Variants in TOP2A observed in about 807,000 individuals in gnomAD.
TOP2A encodes DNA topoisomerase II alpha.
Under a neutral mutation model 187.2 loss-of-function variants are expected in TOP2A, and 68 were observed. The ratio of observed to expected loss-of-function variants is 0.36; its 90% confidence interval spans 0.30 to 0.44. The LOEUF is 0.44. Among genes scored for constraint, TOP2A ranks in the 20% least tolerant of loss-of-function variants. The pLI, the probability that TOP2A is intolerant of heterozygous loss-of-function variation, is 1.00. For missense variants in TOP2A, 1,196 were observed against 1,808.7 expected (o/e 0.66, Z 6.14); for synonymous variants, 542 against 593.2 (o/e 0.91, Z 1.25).
At position 40,416,725 on chromosome 17, in the gene TOP2A, T is replaced by C. The variant is rs1177408731; in HGVS notation, c.177+15A>G. 1 of 1,602,170 alleles carries C rather than the reference T, an allele frequency of 6.2e-7. No homozygotes were observed. Reference sequence around the variant, plus strand: ...CAACTACTAGGTTAACTGCCTTTGATGAGCTTGATTTTACCTGGGTCACTA... The same window carrying C: ...CAACTACTAGGTTAACTGCCTTTGACGAGCTTGATTTTACCTGGGTCACTA... On this transcript the variant is annotated intron_variant, in intron 2 of 34. Coordinates refer to ENST00000423485, the MANE Select transcript of TOP2A (RefSeq NM_001067.4).
chr17:40,406,819 G>A lies in TOP2A; in HGVS notation c.1737+13C>T. The A allele has an allele frequency of 6.3e-7, 1 of 1,591,378 alleles. No homozygotes were observed. The highest frequency in any genetic ancestry group is 8.6e-7 in the Non-Finnish European group (1 of 1,162,754). On this transcript the variant is annotated intron_variant, in intron 14 of 34. Transcript: ENST00000423485. ...CTTAAAATATCCATGATGGTACTTA[G>A]AAATTAGCGTACCTTTACAATGGGA...
intron 5 of TOP2A, 28 bp downstream of exon 5, chr17:40,413,452 A>G (rs2035349126): frequency 1.3e-6 from 2 of 1,490,050 alleles, no homozygotes; most frequent in African/African-American, 1.4e-5. Context: ...TTTAGCAACA[A>G]ATATGTTATT....
At chr17:40,392,542 C>T (rs2035037959) in intron 30 of TOP2A, 43 bp downstream of exon 30, 2 of 1,577,648 alleles carry the variant, frequency 1.3e-6, no homozygotes, top group East Asian at 2.2e-5. Context: ...ATTGGCCATT[C>T]CACTCTTACA....
At chr17:40,401,395 G>C (rs2035178792) in intron 20 of TOP2A, among the ~76,000 whole-genome samples, 1 of 152,048 alleles carries the variant, frequency 6.6e-6, no homozygotes, top group Non-Finnish European at 1.5e-5. Context: ...TTTCTGATAG[G>C]AAAACATTTG....
At position 40,402,908 on chromosome 17, in the gene TOP2A, G is replaced by A; in HGVS notation, c.2430C>T (p.Leu810=). ...CTAGAAAGTGAAAGCATACCTACCT[G>A]AGCATTGTAAAGATGTATCGTGGAC... ...SASPRYIFTM[L]SSLARLLFPP... Residue 810 remains leucine (L), a splice_region_variant and synonymous_variant, in exon 20 of 35, where the codon CTC becomes CTT. Transcript: ENST00000423485. 6.2e-7 allele frequency: 1 copy of A among 1,603,866 alleles called. No homozygotes were observed. The highest frequency in any genetic ancestry group is 8.5e-7 in the Non-Finnish European group (1 of 1,174,334).
intron 10 of TOP2A, chr17:40,409,145 G>A: frequency 3.5e-6 from 1 of 289,270 alleles, no homozygotes; most frequent in Non-Finnish European, 6.3e-6. Context: ...AGCGAGCCAA[G>A]ATCGCACCAT....
intron 30 of TOP2A, 56 bp downstream of exon 30, chr17:40,392,529 T>C: frequency 6.5e-7 from 1 of 1,548,388 alleles, no homozygotes; most frequent in South Asian, 1.2e-5. Context: ...TACCCTGAAG[T>C]ATATTGGCCA....
chr17:40,392,024 T>C, intron 32 of TOP2A, 44 bp downstream of exon 32: 1 of 1,586,654 alleles, frequency 6.3e-7, no homozygotes, highest in Non-Finnish European at 8.6e-7. Context: ...GATCTGAGTG[T>C]CCCAGTAAGG....
intron 11 of TOP2A, 88 bp downstream of exon 11, chr17:40,408,404 G>T: frequency 7.4e-7 from 1 of 1,342,988 alleles, no homozygotes; most frequent in South Asian, 1.5e-5. Context: ...ATTCTGTCAA[G>T]GGAAAAATAA....
chr17:40,404,156 C>T lies in TOP2A; in HGVS notation c.2279G>A (p.Gly760Asp). ...SVAEMSSYHH[G>D]EMSLMMTIIN... ...AAACATGGATTGTGTGTTTACCTCACCATGATGATAAGAAGACATTTCAGC... is the reference window on the plus strand; with the variant it reads ...AAACATGGATTGTGTGTTTACCTCATCATGATGATAAGAAGACATTTCAGC... The change falls in exon 19 of 35, where the codon GGT (glycine) becomes GAT (aspartate). Residue 760 changes from glycine to aspartate, a missense_variant. This residue lies in a region of TOP2A where 209 missense variants were observed against 376.9 expected (regional missense o/e 0.55). Transcript: ENST00000423485. 1 of 1,613,316 alleles carries T rather than the reference C, an allele frequency of 6.2e-7. No individual in the cohort carries two copies. Among genetic ancestry groups the T allele is most frequent in the Non-Finnish European group, 8.5e-7 (1 of 1,179,686 alleles).
intron 33 of TOP2A, among the ~76,000 whole-genome samples, chr17:40,390,726 C>G (rs2035013587): frequency 6.7e-6 from 1 of 149,016 alleles, no homozygotes; most frequent in Non-Finnish European, 1.5e-5. Flanking sequence ...CTCCTGGGTT[C>G]AAGTGATTCT....
Position 40,400,359 on chromosome 17 carries a change from T to C in TOP2A, c.2850A>G (p.Thr950=), listed in dbSNP as rs1209024587. 10 of 1,613,612 alleles carry C rather than the reference T, an allele frequency of 6.2e-6. No homozygotes were observed. Among genetic ancestry groups the C allele is most frequent in the Non-Finnish European group, 8.5e-6 (10 of 1,179,836 alleles). The change falls in exon 23 of 35, where the codon ACA becomes ACG. Residue 950 remains threonine (T), a synonymous_variant. Transcript: ENST00000423485. ...CCCTATAGTCTGTTATGAGAGGAGG[T>C]GTCTTCTCGGTGCCATTCAACATGG... ...LEPMLNGTEK[T]PPLITDYREY... is the part of the protein sequence containing the mutation.
At position 40,403,070 on chromosome 17, in the gene TOP2A, G is replaced by T. The variant is rs770780098; in HGVS notation, c.2284-16C>A. ...TTAGTGACATCTGTGGGGAAAAAAA[G>T]ATTCATTAAGCTGAGGCTTTTACTA... On this transcript the variant is annotated splice_polypyrimidine_tract_variant and intron_variant, in intron 19 of 34. Coordinates refer to ENST00000423485, the MANE Select transcript of TOP2A (RefSeq NM_001067.4). The T allele has an allele frequency of 1.6e-5, 25 of 1,580,712 alleles. No homozygotes were observed. In the South Asian group the frequency reaches 2.6e-4, roughly 17 times the overall value.
At chr17:40,395,258 G>A (rs1400563305) in intron 29 of TOP2A, among the ~76,000 whole-genome samples, 191 bp downstream of exon 29, 1 of 147,482 alleles carries the variant, frequency 6.8e-6, no homozygotes, top group Non-Finnish European at 1.5e-5. Flanking sequence ...ACTCCAGCCT[G>A]GGCAACAAGA....
rs369386462 is a variant in TOP2A, at chr17:40,411,583, AAAC to A, written c.963+59_963+61del. 1.9e-4 allele frequency: 303 copies of A among 1,569,480 alleles called. 4 individuals are homozygous for A. The East Asian group carries it at 5.6e-3, about 29-fold the overall frequency. On this transcript the variant is annotated intron_variant, in intron 8 of 34. Transcript: ENST00000423485. The surrounding 1 kb of genome is among the most constrained non-coding windows in gnomAD (Gnocchi z 4.4). ...TATTCAAGTCCACTTTATATATTAA[AAAC>A]AATAAGAACACATATATGTAAAGAT...
chr17:40,398,601 T>C lies in TOP2A; in HGVS notation c.3494A>G (p.Asp1165Gly), dbSNP rs773920841. 13 of 1,591,790 alleles carry C rather than the reference T, an allele frequency of 8.2e-6. No homozygotes were observed. The highest frequency in any genetic ancestry group is 5.3e-5 in the Admixed American group (3 of 56,086). Residue 1165 changes from aspartate (D) to glycine (G), a missense_variant, in exon 27 of 35, where the codon GAT becomes GGT. Transcript: ENST00000423485. ...LDTLKRKSPS[D>G]LWKEDLATFI... ...TGTAGCCAAGTCTTCTTTCCACAAATCTGATGGACTCTTTCTTTTTAATGT... is the reference window on the plus strand; with the variant it reads ...TGTAGCCAAGTCTTCTTTCCACAAACCTGATGGACTCTTTCTTTTTAATGT...
At chr17:40,401,150 G>T in intron 20 of TOP2A, 69 bp from the exon 21 acceptor site, 1 of 1,337,382 alleles carries the variant, frequency 7.5e-7, no homozygotes, top group Non-Finnish European at 1.0e-6. Flanking sequence ...TTTATGGAAA[G>T]GACATGTATT....
chr17:40,392,875 C>T, intron 29 of TOP2A, 138 bp from the exon 30 acceptor site: 2 of 772,448 alleles, frequency 2.6e-6, no homozygotes, highest in South Asian at 3.9e-5. Context: ...GATATGGTCT[C>T]TGTTTTTGTG....
intron 11 of TOP2A, 39 bp downstream of exon 11, chr17:40,408,453 A>G (rs768612272): frequency 8.9e-6 from 14 of 1,572,704 alleles, no homozygotes; most frequent in African/African-American, 8.2e-5. Flanking sequence ...AATAACAACT[A>G]TAAGACTTAA....
Sources: allele counts gnomAD v4.1 joint callset (sites outside exome capture counted in the v4.1 genomes callset), GRCh38; gene constraint gnomAD v4.1.1; regional missense constraint gnomAD v4.1.1; non-coding constraint Gnocchi (gnomAD v3.1); transcripts MANE v1.5; gene names NCBI Gene and HGNC (gene_info 2026-07-23, HGNC 2026-07-21).